STRBP: variants seen among roughly 807,000 people sequenced by gnomAD.
The protein encoded by STRBP is spermatid perinuclear RNA binding protein.
Under a neutral mutation model 80.1 loss-of-function variants are expected in STRBP, and 13 were observed. The ratio of observed to expected loss-of-function variants is 0.16; its 90% CI spans 0.11 to 0.26. STRBP has a LOEUF of 0.26. STRBP is among the 10% of genes least tolerant of loss of function. The pLI is 1.00. For missense variants in STRBP, 485 were observed against 815.2 expected (o/e 0.59, Z 4.93); for synonymous variants, 284 against 291.2 (o/e 0.98, Z 0.25).
At chr9:123,254,128 C>T (rs1423349238) in intron 1 of STRBP, among the ~76,000 whole-genome samples, 3 of 152,082 alleles carry the variant, frequency 2.0e-5, no homozygotes, top group African/African-American at 7.2e-5. Flanking sequence ...ACCAACTAAG[C>T]TGGTTAGTGA....
intron 2 of STRBP, among the ~76,000 whole-genome samples, chr9:123,189,278 G>A (rs1227651218): frequency 1.5e-5 from 2 of 131,314 alleles, no homozygotes; most frequent in East Asian, 5.0e-4. Flanking sequence ...ATGGACACAG[G>A]AAGGGGAACA....
intron 18 of STRBP, 43 bp from the exon 19 acceptor site, chr9:123,125,716 T>A (rs1564211215): frequency 6.8e-7 from 1 of 1,481,390 alleles, no homozygotes; most frequent in East Asian, 2.3e-5. Flanking sequence ...TAAGTTTTAA[T>A]ACTCCAATAA....
intron 16 of STRBP, among the ~76,000 whole-genome samples, chr9:123,134,349 G>T (rs2036266746): frequency 6.6e-6 from 1 of 152,166 alleles, no homozygotes; most frequent in South Asian, 2.1e-4. Flanking sequence ...CTTTGAAAAT[G>T]CAACATCCTT....
chr9:123,266,059 T>G (rs1278839379), intron 1 of STRBP, among the ~76,000 whole-genome samples: 1 of 152,108 alleles, frequency 6.6e-6, no homozygotes, highest in East Asian at 1.9e-4. Context: ...AGGTATCCCT[T>G]TCTTCCTCTC....
chr9:123,185,360 A>G lies in STRBP; in HGVS notation c.-164-1062T>C, dbSNP rs907883380. 6.6e-5 allele frequency among the ~76,000 whole-genome samples: 10 copies of G among 152,298 alleles called. 1 individual carries two copies. Among genetic ancestry groups the G allele is most frequent in the Non-Finnish European group, 1.3e-4 (9 of 68,022 alleles). ...GACGGGAGGATTGCTTGAAGCCAGA[A>G]GTTCGAGACCAGACTGGGCAACAGA... On this transcript the variant is annotated intron_variant, in intron 2 of 18. Coordinates refer to ENST00000348403, the MANE Select transcript of STRBP (RefSeq NM_018387.5).
At chr9:123,193,754 C>T (rs1037053421) in intron 2 of STRBP, among the ~76,000 whole-genome samples, 6 of 152,066 alleles carry the variant, frequency 3.9e-5, no homozygotes, top group African/African-American at 1.4e-4. Flanking sequence ...ACCGAAATTA[C>T]GTGATCCATC....
chr9:123,109,557 G>C (rs921041220), exon 4 of STRBP: 3 of 152,360 alleles, frequency 2.0e-5, no homozygotes, highest in Non-Finnish European at 4.4e-5. Flanking sequence ...AACATGTCAG[G>C]GCATTACAGA....
rs371021887 is a variant in STRBP, at chr9:123,136,092, C to G, written c.1722G>C (p.Leu574=). Residue 574 remains leucine (L), a synonymous_variant, in exon 16 of 19, where the codon CTG becomes CTC. Transcript: ENST00000348403. This position sits in a 1 kb window ranked among gnomAD's most constrained non-coding sequence, Gnocchi z 4.2. ...TATTTGCCGCATTGGGTCCAGAAAACAGTTTCTCCAAGGCAGCTAAAGCTG... is the reference window on the plus strand; with the variant it reads ...TATTTGCCGCATTGGGTCCAGAAAAGAGTTTCTCCAAGGCAGCTAAAGCTG... ...ASAALAALEK[L]FSGPNAANNK... is the part of the protein sequence containing the mutation. The G allele has an allele frequency of 1.2e-6, 2 of 1,614,152 alleles. No individual in the cohort carries two copies. The highest frequency in any genetic ancestry group is 1.7e-6 in the Non-Finnish European group (2 of 1,180,014).
rs73666503 is a variant in STRBP, at chr9:123,135,632, G to A, written c.1773+409C>T. ...CCCAAAATAAACAATGCAAAAGCACGAAACTGCAAAGGAACTGGAAGAGCA... is the reference window on the plus strand; with the variant it reads ...CCCAAAATAAACAATGCAAAAGCACAAAACTGCAAAGGAACTGGAAGAGCA... On this transcript the variant is annotated intron_variant, in intron 16 of 18. Transcript: ENST00000348403. Among the ~76,000 whole-genome samples, 324 of 152,226 alleles carry A rather than the reference G, an allele frequency of 2.1e-3. 2 individuals carry two copies. The highest frequency in any genetic ancestry group is 7.3e-3 in the African/African-American group (305 of 41,550).
At chr9:123,178,899 T>G in intron 4 of STRBP, 108 bp downstream of exon 4, 1 of 939,676 alleles carries the variant, frequency 1.1e-6, no homozygotes, top group Non-Finnish European at 1.6e-6. Context: ...GTCTCACATA[T>G]GCATAAGACA....
In STRBP at chr9:123,123,759, T is replaced by C; in HGVS notation, c.*1838A>G. 1 of 985,412 alleles carries C rather than the reference T, an allele frequency of 1.0e-6. No individual in the cohort carries two copies. Among genetic ancestry groups the C allele is most frequent in the African/African-American group, 1.7e-5 (1 of 57,352 alleles). 61.0% of individuals were successfully genotyped at this position (985,412 alleles called of 1,614,324 possible). A position where few individuals can be genotyped will look rare whatever the true frequency, so the allele number is the denominator to read the frequency against. On this transcript the variant is annotated 3_prime_UTR_variant, in exon 19 of 19. Coordinates refer to ENST00000348403, the MANE Select transcript of STRBP (RefSeq NM_018387.5). ...CAGCCGCAGCTGCCAATTAATAGTATTCCAAAGACAATGAGGACTACTGTA... is the reference window on the plus strand; with the variant it reads ...CAGCCGCAGCTGCCAATTAATAGTACTCCAAAGACAATGAGGACTACTGTA...
At chr9:123,118,755 G>A (rs60674007), downstream of STRBP, among the ~76,000 whole-genome samples, 990 of 152,260 alleles carry the variant, frequency 6.5e-3, 14 homozygotes, top group African/African-American at 0.023. Flanking sequence ...TTATAAACTT[G>A]GAGCATCTGA....
chr9:123,229,076 A>G (rs1422221285), intron 2 of STRBP, among the ~76,000 whole-genome samples: 3 of 152,240 alleles, frequency 2.0e-5, no homozygotes, highest in Non-Finnish European at 4.4e-5. Flanking sequence ...GAAAGAAGCT[A>G]GTCACAAAAG....
chr9:123,215,721 T>A (rs1385141280), intron 2 of STRBP, among the ~76,000 whole-genome samples: 1 of 151,554 alleles, frequency 6.6e-6, no homozygotes, highest in Admixed American at 6.6e-5. Flanking sequence ...GGAGGCGGAG[T>A]TGCAGTGAGC....
At chr9:123,248,737 T>C (rs2040853095) in intron 1 of STRBP, among the ~76,000 whole-genome samples, 3 of 152,236 alleles carry the variant, frequency 2.0e-5, no homozygotes, top group Admixed American at 2.0e-4. Context: ...ATGTAATGAT[T>C]ACCTGAATGA....
At chr9:123,186,521 T>G (rs958394651) in intron 2 of STRBP, among the ~76,000 whole-genome samples, 1 of 152,104 alleles carries the variant, frequency 6.6e-6, no homozygotes, top group African/African-American at 2.4e-5. Flanking sequence ...CAGAGTATGA[T>G]AGCATAGTGC....
chr9:123,160,865 CT>C (rs1396231813), intron 7 of STRBP, 111 bp downstream of exon 7: 1 of 808,500 alleles, frequency 1.2e-6, no homozygotes, highest in African/African-American at 1.8e-5. Flanking sequence ...ACACTATGAG[CT>C]AGAAAGCACC....
At chr9:123,128,513 AC>A (rs2035990587) in intron 17 of STRBP, among the ~76,000 whole-genome samples, 1 of 152,228 alleles carries the variant, frequency 6.6e-6, no homozygotes, top group Non-Finnish European at 1.5e-5. Flanking sequence ...TTCTCACTGC[AC>A]TCACTGACCC....
rs533166799 is a variant in STRBP at position 123,204,498 on chromosome 9, C to T, written c.-164-20200G>A. ...ATAGCACCAGAATAGTACATGACTC[C>T]GTAGCTATTTATTTTCTTCTAACTA... On this transcript the variant is annotated intron_variant, in intron 2 of 18. Coordinates refer to ENST00000348403, the MANE Select transcript of STRBP (RefSeq NM_018387.5). 4.6e-5 allele frequency among the ~76,000 whole-genome samples: 7 copies of T among 152,242 alleles called. No homozygotes were observed. In the South Asian group the frequency reaches 6.2e-4, roughly 14 times the overall value.
Sources: allele counts gnomAD v4.1 joint callset (sites outside exome capture counted in the v4.1 genomes callset), GRCh38; gene constraint gnomAD v4.1.1; non-coding constraint Gnocchi (gnomAD v3.1); transcripts MANE v1.5; gene names NCBI Gene and HGNC (gene_info 2026-07-23, HGNC 2026-07-21).